PSPH: variants seen among roughly 807,000 people sequenced by gnomAD.
PSPH encodes L-3-phosphoserine phosphatase.
A neutral mutation model predicts 23.4 loss-of-function variants in PSPH; 16 were observed. The ratio of observed to expected loss-of-function variants is 0.68; its 90% CI spans 0.46 to 1.04. The LOEUF (loss-of-function observed/expected upper bound fraction) is 1.04, where lower values mean the gene tolerates loss of function less well. Among genes scored for constraint, PSPH ranks in the 50% least tolerant of loss-of-function variants. The pLI is 0.00. For synonymous variants in PSPH, 68 were observed against 99.7 expected (o/e 0.68, Z 1.89); for missense variants, 223 against 273.7 (o/e 0.81, Z 1.31).
intron 3 of PSPH, among the ~76,000 whole-genome samples, chr7:56,024,044 A>C (rs940123813): frequency 6.6e-6 from 1 of 151,568 alleles, no homozygotes; most frequent in Non-Finnish European, 1.5e-5. Flanking sequence ...CTCCTGCCTC[A>C]GCCTCTCTAA....
At chr7:56,041,399 G>T (rs1792523963) in intron 1 of PSPH, among the ~76,000 whole-genome samples, 1 of 151,564 alleles carries the variant, frequency 6.6e-6, no homozygotes, top group South Asian at 2.1e-4. Context: ...TTTTAGTAGA[G>T]ATGGGGTTTC....
chr7:56,011,538 A>C lies in PSPH; in HGVS notation c.*224T>G, dbSNP rs1158727792. On this transcript the variant is annotated 3_prime_UTR_variant, in exon 8 of 8. Transcript: ENST00000275605. Reference sequence around the variant, plus strand: ...AGCAAGATTCTGTCTCAAAAAAAAAAAAAACCTCTCCAGGAAATCAATAGT... The same window carrying C: ...AGCAAGATTCTGTCTCAAAAAAAAACAAAACCTCTCCAGGAAATCAATAGT... 1.3e-5 allele frequency: 4 copies of C among 302,910 alleles called. No individual in the cohort carries two copies. The highest frequency in any genetic ancestry group is 2.5e-5 in the Non-Finnish European group (4 of 159,160). 18.8% of individuals were successfully genotyped at this position (302,910 alleles called of 1,614,324 possible).
chr7:56,021,875 G>T (rs1292036146), intron 3 of PSPH, among the ~76,000 whole-genome samples: 6 of 151,258 alleles, frequency 4.0e-5, no homozygotes. Flanking sequence ...GCGTGAACCT[G>T]GGAGGTGGAG....
chr7:56,024,448 T>G (rs937061753), intron 3 of PSPH, among the ~76,000 whole-genome samples: 3 of 152,142 alleles, frequency 2.0e-5, no homozygotes, highest in African/African-American at 7.2e-5. Context: ...TAAAAACTAA[T>G]GAAATTCAAA....
chr7:56,044,629 T>G (rs1454897672), intron 1 of PSPH, among the ~76,000 whole-genome samples: 1 of 152,160 alleles, frequency 6.6e-6, no homozygotes, highest in Non-Finnish European at 1.5e-5. Flanking sequence ...TCATGGTGGC[T>G]GACACCTGTA....
chr7:56,030,930 G>T (rs1790888473), intron 3 of PSPH, among the ~76,000 whole-genome samples: 2 of 151,528 alleles, frequency 1.3e-5, no homozygotes, highest in Non-Finnish European at 2.9e-5. Flanking sequence ...AAAACTGAGG[G>T]GCCGGGCGCG....
chr7:56,024,951 A>G (rs1461059953), intron 3 of PSPH, among the ~76,000 whole-genome samples: 2 of 151,160 alleles, frequency 1.3e-5, no homozygotes, highest in Middle Eastern at 3.2e-3. Context: ...TTATAGGTGC[A>G]TGCCACCACG....
At chr7:56,049,205 T>C (rs1194795723) in intron 1 of PSPH, among the ~76,000 whole-genome samples, 6 of 151,478 alleles carry the variant, frequency 4.0e-5, no homozygotes, top group Non-Finnish European at 8.8e-5. Flanking sequence ...ATTACAGGCA[T>C]AAGCCACTGC....
At chr7:56,013,005 A>G (rs1788079257) in intron 7 of PSPH, among the ~76,000 whole-genome samples, 1 of 78,012 alleles carries the variant, frequency 1.3e-5, no homozygotes, top group Non-Finnish European at 3.0e-5. Context: ...ATAGCATTTG[A>G]TTATATATAT....
At chr7:56,020,625 GA>G (rs374365759) in intron 4 of PSPH, among the ~76,000 whole-genome samples, 21,894 of 89,878 alleles carry the variant, frequency 0.24, 1,753 homozygotes, top group African/African-American at 0.33. Context: ...ACTCCGTCTC[GA>G]AAAAAAAAAA....
intron 3 of PSPH, among the ~76,000 whole-genome samples, chr7:56,024,051 C>CT (rs1789832597): frequency 6.6e-6 from 1 of 151,918 alleles, no homozygotes; most frequent in Admixed American, 6.6e-5. Flanking sequence ...CTCAGCCTCT[C>CT]TAAGTAGCTG....
At chr7:56,027,046 A>C (rs1790288920) in intron 3 of PSPH, among the ~76,000 whole-genome samples, 2 of 152,002 alleles carry the variant, frequency 1.3e-5, no homozygotes, top group Admixed American at 1.3e-4. Flanking sequence ...TCTCTACTAA[A>C]AATACAAAAT....
At chr7:56,027,704 A>G (rs1163426727) in intron 3 of PSPH, among the ~76,000 whole-genome samples, 1 of 138,364 alleles carries the variant, frequency 7.2e-6, no homozygotes, top group Non-Finnish European at 1.6e-5. Flanking sequence ...AAAAAAAAAA[A>G]GGCCAACCAG....
chr7:56,011,590 A>T lies in PSPH; in HGVS notation c.*172T>A, dbSNP rs1216623595. The T allele has an allele frequency of 1.6e-5, 2 of 122,042 alleles. No homozygotes were observed. Among genetic ancestry groups the T allele is most frequent in the East Asian group, 2.2e-4 (1 of 4,626 alleles). The allele number at this position is 122,042 out of a possible 1,614,324, so 7.6% of individuals were successfully genotyped here. A position where few individuals can be genotyped will look rare whatever the true frequency, so the allele number is the denominator to read the frequency against. On this transcript the variant is annotated 3_prime_UTR_variant, in exon 8 of 8. Coordinates refer to ENST00000275605, the MANE Select transcript of PSPH (RefSeq NM_004577.4). The stretch of plus-strand genomic sequence containing the variant: ...ATCATATAATACTGGAACTACAGTT[A>T]AAAAAAAAAAAAAAGCAATCTTCTA...
In PSPH at chr7:56,021,164, C is replaced by T. The variant is rs748513979; in HGVS notation, c.49G>A (p.Val17Met). ...LRKLFYSADAVCFDVDSTVIR... is the reference protein window; with the variant it reads ...LRKLFYSADAMCFDVDSTVIR... ...ACCGTGCTGTCAACATCAAAACACACAGCATCTGCTGAGTAGAAAAGCTTC... is the reference window on the plus strand; with the variant it reads ...ACCGTGCTGTCAACATCAAAACACATAGCATCTGCTGAGTAGAAAAGCTTC... The change falls in exon 4 of 8, where the codon GTG (valine) becomes ATG (methionine). Residue 17 changes from valine to methionine, a missense_variant. Coordinates refer to ENST00000275605, the MANE Select transcript of PSPH (RefSeq NM_004577.4). 6.2e-7 allele frequency: 1 copy of T among 1,614,230 alleles called. No homozygotes were observed.
rs1425950048 is a variant in PSPH at position 56,031,845 on chromosome 7, A to G, written c.-20+84T>C. Reference sequence around the variant, plus strand: ...GAGTAAACTGCTAGCAGATAGACAAACGTGTAACAGTTCAATGCGTAAAAA... The same window carrying G: ...GAGTAAACTGCTAGCAGATAGACAAGCGTGTAACAGTTCAATGCGTAAAAA... On this transcript the variant is annotated intron_variant, in intron 3 of 7. Transcript: ENST00000275605. 5 of 153,402 alleles carry G rather than the reference A, an allele frequency of 3.3e-5. No homozygotes were observed. In the Admixed American group the frequency reaches 3.3e-4, roughly 10 times the overall value. The allele number at this position is 153,402 out of a possible 1,614,324, so 9.5% of individuals were successfully genotyped here. A position where few individuals can be genotyped will look rare whatever the true frequency, so the allele number is the denominator to read the frequency against.
intron 6 of PSPH, among the ~76,000 whole-genome samples, chr7:56,015,727 C>T (rs1465188873): frequency 2.6e-5 from 4 of 151,766 alleles, no homozygotes; most frequent in African/African-American, 9.7e-5. Flanking sequence ...GGTGTGATCT[C>T]GGCTCACTGC....
chr7:56,038,087 A>G (rs1486143387), intron 1 of PSPH, among the ~76,000 whole-genome samples: 1 of 151,872 alleles, frequency 6.6e-6, no homozygotes, highest in Non-Finnish European at 1.5e-5. Context: ...ATAGCCTTCT[A>G]AAGTATAGTA....
intron 3 of PSPH, among the ~76,000 whole-genome samples, chr7:56,028,618 A>T (rs1034649367): frequency 1.3e-5 from 2 of 151,976 alleles, no homozygotes; most frequent in East Asian, 3.9e-4. Context: ...ACTGAGCTGG[A>T]TTTTAGGACC....
Sources: allele counts gnomAD v4.1 joint callset (sites outside exome capture counted in the v4.1 genomes callset), GRCh38; gene constraint gnomAD v4.1.1; transcripts MANE v1.5; gene names NCBI Gene and HGNC (gene_info 2026-07-23, HGNC 2026-07-21).